The following ZBTB20 variants were observed in gnomAD, a reference collection of about 807,000 sequenced individuals.
ZBTB20 encodes zinc finger and BTB domain-containing protein 20.
A neutral mutation model predicts 56.9 loss-of-function variants in ZBTB20; 9 were observed. The ratio of observed to expected loss-of-function variants is 0.16; its 90% CI spans 0.10 to 0.28. The LOEUF (loss-of-function observed/expected upper bound fraction) is 0.28, where lower values mean the gene tolerates loss of function less well. Among genes scored for constraint, ZBTB20 ranks in the 10% least tolerant of loss-of-function variants. ZBTB20 has a pLI of 1.00. For synonymous variants in ZBTB20, 417 were observed against 420.7 expected, an observed-to-expected ratio of 0.99 and a Z score of 0.11; for missense variants, 655 against 1,003.0, an observed-to-expected ratio of 0.65 and a Z score of 4.69.
intron 3 of ZBTB20, among the ~76,000 whole-genome samples, chr3:114,948,361 A>C (rs2076953963): frequency 6.8e-6 from 1 of 146,086 alleles, no homozygotes; most frequent in Non-Finnish European, 1.5e-5. Flanking sequence ...GCAAAAACCA[A>C]ACCTAGAACA....
chr3:114,406,585 T>A (rs995654245), intron 7 of ZBTB20, among the ~76,000 whole-genome samples: 5 of 152,084 alleles, frequency 3.3e-5, no homozygotes, highest in African/African-American at 1.2e-4. Context: ...ACAACATACA[T>A]TATATAACTA....
At chr3:114,672,424 C>T (rs926614844) in intron 6 of ZBTB20, among the ~76,000 whole-genome samples, 10 of 152,126 alleles carry the variant, frequency 6.6e-5, no homozygotes, top group African/African-American at 2.2e-4. Flanking sequence ...CCATCAGGTA[C>T]TTGCTGGATT....
At chr3:114,845,755 C>CA (rs1294327495) in intron 4 of ZBTB20, among the ~76,000 whole-genome samples, 1 of 152,100 alleles carries the variant, frequency 6.6e-6, no homozygotes, top group Non-Finnish European at 1.5e-5. Context: ...TACCAACAAC[C>CA]AATGTCAATT....
intron 6 of ZBTB20, among the ~76,000 whole-genome samples, chr3:114,536,506 A>AAAACATTCCATGCTCATGGAT (rs1466272167): frequency 6.6e-6 from 1 of 152,222 alleles, no homozygotes; most frequent in Admixed American, 6.5e-5. Flanking sequence ...AACAAATGGA[A>AAAACATTCCATGCTCATGGAT]AAACATTCCA....
At chr3:114,641,149 C>G (rs1286454800) in intron 6 of ZBTB20, among the ~76,000 whole-genome samples, 2 of 152,118 alleles carry the variant, frequency 1.3e-5, no homozygotes, top group African/African-American at 2.4e-5. Context: ...ACTATTATTT[C>G]TCTTTATAAA....
chr3:114,563,361 T>C (rs1224711441), intron 6 of ZBTB20, among the ~76,000 whole-genome samples: 2 of 152,218 alleles, frequency 1.3e-5, no homozygotes, highest in African/African-American at 4.8e-5. Context: ...GGTACATTAT[T>C]AGCCTGAACT....
chr3:114,498,948 G>A (rs573003829), intron 7 of ZBTB20, among the ~76,000 whole-genome samples: 3 of 152,302 alleles, frequency 2.0e-5, no homozygotes, highest in South Asian at 4.1e-4. Flanking sequence ...GACTCATCCC[G>A]GTGATGTGAG....
At chr3:114,857,358 C>T (rs1161231063) in intron 4 of ZBTB20, among the ~76,000 whole-genome samples, 4 of 152,122 alleles carry the variant, frequency 2.6e-5, no homozygotes, top group East Asian at 1.9e-4. Flanking sequence ...GTATCTGGCA[C>T]GGTAAAACAC....
chr3:114,926,818 C>A (rs2076175419), intron 3 of ZBTB20, among the ~76,000 whole-genome samples: 1 of 152,168 alleles, frequency 6.6e-6, no homozygotes, highest in African/African-American at 2.4e-5. Flanking sequence ...GGCTGGAATG[C>A]AGTGACGTGA....
At chr3:114,564,220 C>T (rs1354507201) in intron 6 of ZBTB20, among the ~76,000 whole-genome samples, 2 of 152,088 alleles carry the variant, frequency 1.3e-5, no homozygotes, top group Non-Finnish European at 2.9e-5. Flanking sequence ...TCATATTAGG[C>T]CTAACCAGAT....
intron 5 of ZBTB20, among the ~76,000 whole-genome samples, chr3:114,742,486 C>A (rs1156704958): frequency 6.6e-6 from 1 of 152,056 alleles, no homozygotes; most frequent in African/African-American, 2.4e-5. Flanking sequence ...TGTAGTAGAT[C>A]CATACCACAA....
intron 4 of ZBTB20, among the ~76,000 whole-genome samples, chr3:114,807,018 T>C (rs1341765986): frequency 1.3e-5 from 2 of 152,146 alleles, no homozygotes; most frequent in African/African-American, 4.8e-5. Context: ...AAACCAGAAA[T>C]TGTACGTTAT....
chr3:114,861,000 T>C (rs1576144026), intron 4 of ZBTB20, among the ~76,000 whole-genome samples: 1 of 152,320 alleles, frequency 6.6e-6, no homozygotes, highest in Middle Eastern at 3.4e-3. Context: ...CTTTTCAGTA[T>C]TGTAAAGACT....
rs71146342 is a variant in ZBTB20, at chr3:114,844,520, C to CAA, written c.-416-43348_-416-43347dup. Among the ~76,000 whole-genome samples the CAA allele has an allele frequency of 9.3e-3, 212 of 22,788 alleles. 68 individuals carry two copies. Among genetic ancestry groups the CAA allele is most frequent in the African/African-American group, 0.036 (145 of 4,008 alleles). 14.9% of individuals were successfully genotyped at this position (22,788 alleles called of 152,430 possible). ...TGGTTGACAGAGCAAGTCCCTGTCT[C>CAA]AAAAAAAAAAAAAAAAAAAAAAAAA... is the stretch of plus-strand genomic sequence containing the variant. On this transcript the variant is annotated intron_variant, in intron 4 of 11. Coordinates refer to ENST00000675478, the MANE Select transcript of ZBTB20 (RefSeq NM_001348800.3).
intron 5 of ZBTB20, among the ~76,000 whole-genome samples, chr3:114,698,028 C>T (rs1427949529): frequency 6.6e-6 from 1 of 152,056 alleles, no homozygotes; most frequent in Admixed American, 6.6e-5. Context: ...ACTATACTGT[C>T]AGACTCCTCC....
At chr3:114,704,397 A>G (rs2063586055) in intron 5 of ZBTB20, among the ~76,000 whole-genome samples, 1 of 152,020 alleles carries the variant, frequency 6.6e-6, no homozygotes. Flanking sequence ...CATACTGTAT[A>G]TATATATATA....
At chr3:114,778,497 C>CTT (rs1467084501) in intron 5 of ZBTB20, among the ~76,000 whole-genome samples, 1 of 151,918 alleles carries the variant, frequency 6.6e-6, no homozygotes, top group African/African-American at 2.4e-5. Flanking sequence ...TAATAAAGAA[C>CTT]TAAAAATACA....
At position 114,544,014 on chromosome 3, in the gene ZBTB20, G is replaced by C. The variant is rs115608319; in HGVS notation, c.-294-43623C>G. On this transcript the variant is annotated intron_variant, in intron 6 of 11. Transcript: ENST00000675478. ...ATGATTTATTCCACAACTATTCATT[G>C]AGCACCTACTATTCTCTGGCACTGT... 4.5e-3 allele frequency among the ~76,000 whole-genome samples: 683 copies of C among 152,218 alleles called. 4 individuals carry two copies. The highest frequency in any genetic ancestry group is 0.015 in the African/African-American group (623 of 41,536).
chr3:114,807,230 C>T (rs533196650), intron 4 of ZBTB20, among the ~76,000 whole-genome samples: 155 of 152,076 alleles, frequency 1.0e-3, no homozygotes, highest in Non-Finnish European at 1.2e-3. Flanking sequence ...AATATCTCTT[C>T]TTATATTCAG....
Sources: allele counts gnomAD v4.1 joint callset (sites outside exome capture counted in the v4.1 genomes callset), GRCh38; gene constraint gnomAD v4.1.1; transcripts MANE v1.5; gene names NCBI Gene and HGNC (gene_info 2026-07-23, HGNC 2026-07-21).